The following PIGU variants were observed in gnomAD, a reference collection of about 807,000 sequenced individuals.
PIGU encodes phosphatidylinositol glycan anchor biosynthesis class U, also known as GPI-anchor transamidase component PIGU.
Under a neutral mutation model 49.9 loss-of-function variants are expected in PIGU, and 24 were observed. The ratio of observed to expected loss-of-function variants is 0.48; its 90% CI spans 0.35 to 0.68. The LOEUF (loss-of-function observed/expected upper bound fraction) is 0.68. Ranked by LOEUF, PIGU falls within the 30% of genes least tolerant of loss-of-function variation. The pLI is 0.01. For missense variants in PIGU, 490 were observed against 532.6 expected, an observed-to-expected ratio of 0.92 and a Z score of 0.79; for synonymous variants, 220 against 205.7, an observed-to-expected ratio of 1.07 and a Z score of -0.59.
At chr20:34,599,278 C>T (rs1268414399) in intron 7 of PIGU, among the ~76,000 whole-genome samples, 1 of 152,030 alleles carries the variant, frequency 6.6e-6, no homozygotes, top group African/African-American at 2.4e-5. Flanking sequence ...CATGGCAAAA[C>T]CCTGTCTCTA....
intron 5 of PIGU, among the ~76,000 whole-genome samples, chr20:34,637,084 GGTGAC>G (rs1985992028): frequency 6.6e-6 from 1 of 152,200 alleles, no homozygotes; most frequent in African/African-American, 2.4e-5. Context: ...CTAAATAGCA[GGTGAC>G]GTTCAAGAAG....
intron 1 of PIGU, among the ~76,000 whole-genome samples, chr20:34,665,861 AT>A (rs954208116): frequency 2.0e-5 from 3 of 152,110 alleles, no homozygotes; most frequent in African/African-American, 7.2e-5. Flanking sequence ...TCTACTCTCC[AT>A]AGAAAAGAAT....
rs1356362282 is a variant in PIGU, at chr20:34,656,372, T to A, written c.195+808A>T. Among the ~76,000 whole-genome samples, 5 of 105,254 alleles carry A rather than the reference T, an allele frequency of 4.8e-5. 1 individual carries two copies. Among genetic ancestry groups the A allele is most frequent in the South Asian group, 2.8e-4 (1 of 3,530 alleles). The allele number at this position is 105,254 out of a possible 152,430, so 69.1% of individuals were successfully genotyped here. A position where few individuals can be genotyped will look rare whatever the true frequency, so the allele number is the denominator to read the frequency against. ...ATCTCGGCTCACTGCAAGCTCCACC[T>A]CCCGGGTTCGCGCCATTCTCCTGCC... On this transcript the variant is annotated intron_variant, in intron 2 of 11. Coordinates refer to ENST00000217446, the MANE Select transcript of PIGU (RefSeq NM_080476.5).
chr20:34,652,484 T>C (rs910624523), intron 2 of PIGU, among the ~76,000 whole-genome samples: 6 of 152,240 alleles, frequency 3.9e-5, no homozygotes, highest in African/African-American at 1.4e-4. Flanking sequence ...CAGATCTTTA[T>C]TATTTCTTTT....
chr20:34,641,786 C>G (rs6059959), intron 4 of PIGU, among the ~76,000 whole-genome samples: 1 of 152,106 alleles, frequency 6.6e-6, no homozygotes, highest in Non-Finnish European at 1.5e-5. Flanking sequence ...GCTATCCTAC[C>G]TAAATCAACA....
chr20:34,560,597 C>A lies in PIGU; in HGVS notation c.*269G>T. On this transcript the variant is annotated 3_prime_UTR_variant, in exon 12 of 12. Transcript: ENST00000217446. ...TAGCCACAATCTAACAAGCCCTGCT[C>A]ACCTGCCTCTTCTCCTTCCTGTCTG... The A allele has an allele frequency of 2.3e-6, 1 of 435,022 alleles. No homozygotes were observed. Among genetic ancestry groups the A allele is most frequent in the Non-Finnish European group, 4.1e-6 (1 of 245,938 alleles). 26.9% of individuals were successfully genotyped at this position (435,022 alleles called of 1,614,324 possible).
chr20:34,565,824 C>T (rs527653728), intron 11 of PIGU, among the ~76,000 whole-genome samples: 10 of 139,322 alleles, frequency 7.2e-5, no homozygotes, highest in East Asian at 2.1e-4. Flanking sequence ...CACACAGGCT[C>T]GCACTGCACT....
intron 2 of PIGU, among the ~76,000 whole-genome samples, chr20:34,645,556 G>C (rs1312601918): frequency 6.6e-6 from 1 of 152,130 alleles, no homozygotes; most frequent in African/African-American, 2.4e-5. Context: ...CTGTTGAATT[G>C]AGTAAAGGAA....
chr20:34,659,428 G>C (rs1282370249), intron 1 of PIGU, among the ~76,000 whole-genome samples: 1 of 144,250 alleles, frequency 6.9e-6, no homozygotes, highest in Non-Finnish European at 1.5e-5. Context: ...GGAGGGAGGT[G>C]GGGGGGTCAG....
chr20:34,580,841 T>C (rs1983431398), intron 10 of PIGU, among the ~76,000 whole-genome samples: 1 of 151,814 alleles, frequency 6.6e-6, no homozygotes, highest in South Asian at 2.1e-4. Context: ...GCAGCACAGA[T>C]AGGTCACCAC....
At chr20:34,604,665 A>C (rs992366298) in intron 7 of PIGU, among the ~76,000 whole-genome samples, 4 of 152,164 alleles carry the variant, frequency 2.6e-5, no homozygotes, top group Non-Finnish European at 5.9e-5. Flanking sequence ...GAAAACTCTA[A>C]ATATGGCCCC....
chr20:34,611,538 T>C (rs150631669), intron 7 of PIGU, among the ~76,000 whole-genome samples: 1,791 of 149,580 alleles, frequency 0.012, 46 homozygotes, highest in African/African-American at 0.042. Context: ...CCCAGCTACT[T>C]GGGAGGCTGA....
chr20:34,578,438 T>C (rs1040691938), intron 10 of PIGU, among the ~76,000 whole-genome samples: 1 of 152,222 alleles, frequency 6.6e-6, no homozygotes, highest in Non-Finnish European at 1.5e-5. Context: ...TCTGATCCCC[T>C]GGAAATTATT....
chr20:34,635,918 G>C (rs1181526900), intron 5 of PIGU, among the ~76,000 whole-genome samples: 6 of 150,802 alleles, frequency 4.0e-5, no homozygotes, highest in Admixed American at 2.6e-4. Context: ...GCTGGGCATG[G>C]TGGCTCACTC....
intron 7 of PIGU, among the ~76,000 whole-genome samples, chr20:34,604,612 G>A (rs952134570): frequency 3.3e-5 from 5 of 152,132 alleles, no homozygotes; most frequent in Admixed American, 1.3e-4. Context: ...CCTGGACATA[G>A]CAGAAATAAC....
At chr20:34,575,310 A>G (rs1983180653) in intron 10 of PIGU, 64 bp from the exon 11 acceptor site, 2 of 1,567,612 alleles carry the variant, frequency 1.3e-6, no homozygotes, top group African/African-American at 1.3e-5. Flanking sequence ...CCCTGCTGCA[A>G]TGGCCCCCCT....
intron 8 of PIGU, 109 bp from the exon 9 acceptor site, chr20:34,585,689 A>G: frequency 2.4e-6 from 3 of 1,264,558 alleles, no homozygotes; most frequent in South Asian, 1.4e-5. Context: ...GCCAAGGACG[A>G]CTTTCTCCCT....
chr20:34,565,560 G>T (rs1982713312), intron 11 of PIGU, among the ~76,000 whole-genome samples: 1 of 151,990 alleles, frequency 6.6e-6, no homozygotes, highest in Admixed American at 6.6e-5. Context: ...GCCCGGCCGG[G>T]CTCCTCTAGT....
Position 34,560,866 on chromosome 20 carries a change from C to G in PIGU, c.1308G>C (p.Ter436TyrextTer90). The change falls in exon 12 of 12, where the codon TAG becomes TAC. Residue 436 changes from the stop codon to tyrosine (Y), a stop_lost. Coordinates refer to ENST00000217446, the MANE Select transcript of PIGU (RefSeq NM_080476.5). ...DGTEAMLVLK* is the reference protein window; with the variant it reads ...DGTEAMLVLKY The stretch of plus-strand genomic sequence containing the variant: ...CCATGCAGCCCTGTGCCAGCCAGGC[C>G]TACTTGAGCACGAGCATGGCCTCTG... The G allele has an allele frequency of 6.2e-7, 1 of 1,600,036 alleles. No homozygotes were observed. Among genetic ancestry groups the G allele is most frequent in the Non-Finnish European group, 8.5e-7 (1 of 1,170,046 alleles).
Sources: allele counts gnomAD v4.1 joint callset (sites outside exome capture counted in the v4.1 genomes callset), GRCh38; gene constraint gnomAD v4.1.1; transcripts MANE v1.5; gene names NCBI Gene and HGNC (gene_info 2026-07-23, HGNC 2026-07-21).